The following STOX2 variants were observed in gnomAD, a reference collection of about 807,000 sequenced individuals.
STOX2 encodes storkhead-box protein 2.
Under a neutral mutation model 60.9 loss-of-function variants are expected in STOX2, and 28 were observed. That is an observed-to-expected ratio of 0.46 (90% CI 0.34 to 0.63). The LOEUF (loss-of-function observed/expected upper bound fraction) is 0.63, where lower values mean the gene tolerates loss of function less well. Ranked by LOEUF, STOX2 falls within the 30% of genes least tolerant of loss-of-function variation. The pLI is 0.01. For synonymous variants in STOX2, 472 were observed against 463.9 expected, an observed-to-expected ratio of 1.02 and a Z score of -0.22; for missense variants, 1,024 against 1,187.7, an observed-to-expected ratio of 0.86 and a Z score of 2.03.
chr4:183,951,430 C>T lies in STOX2; in HGVS notation c.166+44474C>T, dbSNP rs540818246. Among the ~76,000 whole-genome samples, 10 of 142,254 alleles carry T rather than the reference C, an allele frequency of 7.0e-5. No homozygotes were observed. The South Asian group carries it at 2.0e-3, about 28-fold the overall frequency. The allele number at this position is 142,254 out of a possible 152,430, so 93.3% of individuals were successfully genotyped here. On this transcript the variant is annotated intron_variant, in intron 1 of 3. Coordinates refer to ENST00000308497, the MANE Select transcript of STOX2 (RefSeq NM_020225.3). ...TTTTCATCCATGATTTAGAGGACGA[C>T]AGTCTCTCTCTCTCTTTTTTTTTTT...
At chr4:183,832,070 A>G (rs1392245430) in intron 1 of STOX2, among the ~76,000 whole-genome samples, 2 of 148,536 alleles carry the variant, frequency 1.3e-5, no homozygotes, top group African/African-American at 5.0e-5. Flanking sequence ...GCTCACTGCA[A>G]CCTCTGCCTG....
chr4:183,886,097 T>G (rs1579374293), intron 1 of STOX2, among the ~76,000 whole-genome samples: 2 of 139,454 alleles, frequency 1.4e-5, no homozygotes, highest in Non-Finnish European at 1.6e-5. Context: ...CTGGATGGTG[T>G]AGGCAGATGC....
At chr4:183,849,422 G>C (rs755556411) in intron 1 of STOX2, among the ~76,000 whole-genome samples, 32 of 152,196 alleles carry the variant, frequency 2.1e-4, no homozygotes, top group Admixed American at 1.2e-3. Context: ...GGGGTTTCCT[G>C]TTGGGGTGGG....
chr4:183,925,569 G>A (rs1042189495), intron 1 of STOX2, among the ~76,000 whole-genome samples: 5 of 152,032 alleles, frequency 3.3e-5, no homozygotes, highest in African/African-American at 1.2e-4. Flanking sequence ...AAGGACACTT[G>A]AGCTCTTCTT....
intron 1 of STOX2, among the ~76,000 whole-genome samples, chr4:183,826,048 C>T (rs550228389): frequency 2.0e-5 from 3 of 152,210 alleles, no homozygotes; most frequent in East Asian, 3.9e-4. Context: ...ACAGACTCAT[C>T]GGGAAACAGG....
At chr4:184,012,693 G>A (rs770549128) in intron 3 of STOX2, among the ~76,000 whole-genome samples, 4 of 152,110 alleles carry the variant, frequency 2.6e-5, no homozygotes, top group Admixed American at 6.6e-5. Flanking sequence ...AGAGATGGCC[G>A]TGGTGACAGT....
Position 184,011,713 on chromosome 4 carries a change from G to A in STOX2, c.2585+290G>A, listed in dbSNP as rs558691766. The A allele has an allele frequency of 1.4e-5, 15 of 1,075,842 alleles. No individual in the cohort carries two copies. The African/African-American group carries it at 1.5e-4, about 10-fold the overall frequency. 66.6% of individuals were successfully genotyped at this position (1,075,842 alleles called of 1,614,324 possible). Reference sequence around the variant, plus strand: ...ATATTTCCAGTATTTTTTCTGCTACGTTCATATTGCCACCCATGCTAAGAG... The same window carrying A: ...ATATTTCCAGTATTTTTTCTGCTACATTCATATTGCCACCCATGCTAAGAG... On this transcript the variant is annotated intron_variant, in intron 3 of 3. Coordinates refer to ENST00000308497, the MANE Select transcript of STOX2 (RefSeq NM_020225.3). This position sits in a 1 kb window ranked among gnomAD's most constrained non-coding sequence, Gnocchi z 4.4.
At chr4:183,889,074 A>G (rs1397989087) in intron 1 of STOX2, among the ~76,000 whole-genome samples, 3 of 151,732 alleles carry the variant, frequency 2.0e-5, no homozygotes, top group Non-Finnish European at 4.4e-5. Context: ...GCTTTGGTTT[A>G]TCAGTCCAAG....
intron 1 of STOX2, among the ~76,000 whole-genome samples, chr4:183,832,718 G>T (rs1261843419): frequency 6.6e-6 from 1 of 152,034 alleles, no homozygotes; most frequent in Non-Finnish European, 1.5e-5. Context: ...TTGAACTCCT[G>T]ACCTCAAGTG....
intron 1 of STOX2, among the ~76,000 whole-genome samples, chr4:183,879,242 C>G (rs967009522): frequency 3.9e-5 from 6 of 152,226 alleles, no homozygotes; most frequent in African/African-American, 9.6e-5. Context: ...GCCACCCTCT[C>G]TCTCACCATC....
At chr4:183,933,788 A>ATTT (rs1742508893) in intron 1 of STOX2, among the ~76,000 whole-genome samples, 1 of 152,208 alleles carries the variant, frequency 6.6e-6, no homozygotes, top group South Asian at 2.1e-4. Flanking sequence ...CTCCTGTTTT[A>ATTT]AAGAGCATTT....
At position 183,957,729 on chromosome 4, in the gene STOX2, A is replaced by G. The variant is rs73871347; in HGVS notation, c.167-43596A>G. On this transcript the variant is annotated intron_variant, in intron 1 of 3. Transcript: ENST00000308497. ...ACTAAATGATGTTCCATGTTCACCT[A>G]TGTTTTTCCTGCCTTGGACCTATTT... 2.6e-5 allele frequency among the ~76,000 whole-genome samples: 4 copies of G among 152,308 alleles called. No homozygotes were observed. The East Asian group carries it at 5.8e-4, about 22-fold the overall frequency.
rs1201548512 is a variant in STOX2, at chr4:183,865,690, G to A, written c.364+67635G>A. 1.3e-5 allele frequency among the ~76,000 whole-genome samples: 2 copies of A among 152,140 alleles called. No homozygotes were observed. Among genetic ancestry groups the A allele is most frequent in the African/African-American group, 2.4e-5 (1 of 41,440 alleles). ...TGATTTATGCTAAAAGAATAAGACA[G>A]AATTAGGAGTTTGGATGGGGAAGAG... On this transcript the variant is annotated intron_variant, in intron 1 of 2. Coordinates refer to the STOX2 transcript ENST00000513034. The surrounding 1 kb of genome is among the most constrained non-coding windows in gnomAD (Gnocchi z 4.1).
At chr4:183,948,191 C>A (rs1318754543) in intron 1 of STOX2, among the ~76,000 whole-genome samples, 1 of 109,140 alleles carries the variant, frequency 9.2e-6, no homozygotes, top group East Asian at 3.2e-4. Context: ...GCACTCCAGC[C>A]TGGGCAACAA....
chr4:183,948,501 C>A (rs1242778876), intron 1 of STOX2, among the ~76,000 whole-genome samples: 7 of 111,606 alleles, frequency 6.3e-5, no homozygotes, highest in Non-Finnish European at 1.1e-4. Flanking sequence ...CTCTAATATG[C>A]AGCCTTTGGA....
chr4:183,906,901 C>A lies in STOX2; in HGVS notation c.111C>A (p.His37Gln). ...RSRSEKDYRL[H>Q]KRFPAAFAPQ... is the part of the protein sequence containing the mutation. ...GCAGCGAGAAGGACTACCGCCTGCA[C>A]AAGCGTTTCCCCGCGGCCTTCGCGC... The change falls in exon 1 of 4, where the codon CAC becomes CAA. Residue 37 changes from histidine to glutamine, a missense_variant. Around this residue, in one of 3 missense-constraint regions of STOX2, gnomAD observed 98 missense variants for 110.2 expected, o/e 0.89. Transcript: ENST00000308497. The A allele has an allele frequency of 6.4e-7, 1 of 1,550,608 alleles. No homozygotes were observed. The highest frequency in any genetic ancestry group is 8.7e-7 in the Non-Finnish European group (1 of 1,146,422).
At chr4:183,986,387 C>A (rs1221167217) in intron 1 of STOX2, among the ~76,000 whole-genome samples, 1 of 152,082 alleles carries the variant, frequency 6.6e-6, no homozygotes, top group African/African-American at 2.4e-5. Flanking sequence ...GACAGTGCCA[C>A]GGGGAGGACT....
intron 1 of STOX2, among the ~76,000 whole-genome samples, chr4:183,824,755 C>T (rs943532370): frequency 6.6e-6 from 1 of 152,144 alleles, no homozygotes; most frequent in Non-Finnish European, 1.5e-5. Flanking sequence ...TGCACCAATA[C>T]TAGGCGCCAT....
intron 1 of STOX2, among the ~76,000 whole-genome samples, chr4:183,995,578 G>A (rs1269266854): frequency 2.0e-5 from 3 of 152,184 alleles, no homozygotes; most frequent in Non-Finnish European, 4.4e-5. Flanking sequence ...CAATCCAAGA[G>A]CAGGTTGGCG....
Sources: allele counts gnomAD v4.1 joint callset (sites outside exome capture counted in the v4.1 genomes callset), GRCh38; gene constraint gnomAD v4.1.1; regional missense constraint gnomAD v4.1.1; non-coding constraint Gnocchi (gnomAD v3.1); transcripts MANE v1.5; gene names NCBI Gene and HGNC (gene_info 2026-07-23, HGNC 2026-07-21).